The following WASHC2A variants were observed in gnomAD, a reference collection of about 807,000 sequenced individuals.
WASHC2A encodes the protein WASH complex subunit 2A.
In WASHC2A, 82 loss-of-function variants were observed where a neutral mutation model predicts 140.3. That is an observed-to-expected ratio of 0.58 (90% CI 0.49 to 0.70). WASHC2A has a LOEUF of 0.70. Ranked by LOEUF, WASHC2A falls within the 30% of genes least tolerant of loss-of-function variation. The pLI is 0.00. For synonymous variants in WASHC2A, 340 were observed against 560.8 expected (o/e 0.61, Z 5.56); for missense variants, 985 against 1,521.8 (o/e 0.65, Z 5.87).
At chr10:50,109,419 C>A (rs1391379266) in intron 19 of WASHC2A, among the ~76,000 whole-genome samples, 3 of 151,932 alleles carry the variant, frequency 2.0e-5, no homozygotes, top group Non-Finnish European at 4.4e-5. Flanking sequence ...TTAAAATATT[C>A]TTCTCTGGAG....
Position 50,069,514 on chromosome 10 carries a change from T to C in WASHC2A, c.127-33T>C, listed in dbSNP as rs372446468. On this transcript the variant is annotated intron_variant, in intron 2 of 30. Coordinates refer to ENST00000282633, the MANE Select transcript of WASHC2A (RefSeq NM_001005751.3). ...ACATGCAGAATAGTTACATGTAACA[T>C]TGATACTACTGTATGTTTATTTTTT... The C allele has an allele frequency of 3.3e-4, 530 of 1,599,368 alleles. 3 individuals are homozygous for C. In the Middle Eastern group the frequency reaches 5.5e-3, roughly 17 times the overall value.
chr10:50,074,696 C>G (rs1193962890), intron 3 of WASHC2A, among the ~76,000 whole-genome samples: 27 of 152,064 alleles, frequency 1.8e-4, no homozygotes, highest in African/African-American at 5.3e-4. Context: ...GGGCGGATCA[C>G]GAGGTCAGGA....
chr10:50,091,925 C>G (rs1490229464), intron 10 of WASHC2A, among the ~76,000 whole-genome samples: 1 of 152,162 alleles, frequency 6.6e-6, no homozygotes, highest in East Asian at 1.9e-4. Context: ...TCAACAAATA[C>G]AATCCTGTTA....
chr10:50,084,889 C>T (rs1384166933), intron 6 of WASHC2A, among the ~76,000 whole-genome samples: 60 of 144,582 alleles, frequency 4.1e-4, no homozygotes, highest in African/African-American at 1.5e-3. Flanking sequence ...GTGCCCACCA[C>T]CACACCTGGC....
intron 8 of WASHC2A, among the ~76,000 whole-genome samples, chr10:50,089,034 G>T (rs1589184196): frequency 1.4e-5 from 2 of 145,096 alleles, no homozygotes; most frequent in East Asian, 2.1e-4. Flanking sequence ...GCACGATATT[G>T]GTTCACTACA....
intron 8 of WASHC2A, among the ~76,000 whole-genome samples, chr10:50,089,826 G>A (rs1447162382): frequency 1.3e-5 from 2 of 152,022 alleles, no homozygotes; most frequent in Non-Finnish European, 2.9e-5. Flanking sequence ...GGTGGCTCAC[G>A]CCTGTAATCC....
intron 29 of WASHC2A, among the ~76,000 whole-genome samples, 172 bp downstream of exon 29, chr10:50,130,211 G>T (rs1843819918): frequency 1.3e-5 from 2 of 150,682 alleles, no homozygotes; most frequent in Non-Finnish European, 3.0e-5. Flanking sequence ...TTCAGAAGTG[G>T]TTTTTTGTTT....
chr10:50,082,167 G>A (rs1838958591), intron 5 of WASHC2A, among the ~76,000 whole-genome samples: 1 of 151,130 alleles, frequency 6.6e-6, no homozygotes, highest in South Asian at 2.1e-4. Context: ...CCCTTGCAGA[G>A]AAAGTTGTGG....
intron 3 of WASHC2A, among the ~76,000 whole-genome samples, chr10:50,073,386 T>C (rs1395093785): frequency 2.0e-5 from 3 of 152,100 alleles, no homozygotes; most frequent in Non-Finnish European, 4.4e-5. Flanking sequence ...AGCAGTAGGA[T>C]ATACATAACT....
At chr10:50,068,263 G>C (rs1554874942) in intron 2 of WASHC2A, 36 bp downstream of exon 2, 2 of 1,532,698 alleles carry the variant, frequency 1.3e-6, no homozygotes, top group Admixed American at 2.0e-5. Flanking sequence ...AGAGCGGCAG[G>C]GGTGACGCTT....
intron 4 of WASHC2A, among the ~76,000 whole-genome samples, chr10:50,080,241 A>C (rs1326266588): frequency 1.3e-5 from 2 of 152,170 alleles, no homozygotes; most frequent in Admixed American, 6.5e-5. Context: ...CCGGAGATGA[A>C]AATGACCCCC....
intron 11 of WASHC2A, among the ~76,000 whole-genome samples, chr10:50,092,780 A>G (rs1179236055): frequency 6.6e-6 from 1 of 152,162 alleles, no homozygotes; most frequent in South Asian, 2.1e-4. Context: ...TTGTCTTCCT[A>G]GAATTCTTAG....
intron 20 of WASHC2A, among the ~76,000 whole-genome samples, chr10:50,113,392 A>T (rs1842440663): frequency 6.6e-6 from 1 of 151,636 alleles, no homozygotes; most frequent in African/African-American, 2.4e-5. Flanking sequence ...AGTAAATACA[A>T]GGTGAATTTT....
chr10:50,090,530 A>ATG (rs1839828111), intron 8 of WASHC2A, among the ~76,000 whole-genome samples: 1 of 136,318 alleles, frequency 7.3e-6, no homozygotes, highest in Admixed American at 7.9e-5. Flanking sequence ...ATATATATAT[A>ATG]TTTATATTTA....
Position 50,084,117 on chromosome 10 carries a change from C to T in WASHC2A, c.574C>T (p.Leu192=). 1 of 1,611,742 alleles carries T rather than the reference C, an allele frequency of 6.2e-7. No homozygotes were observed. The highest frequency in any genetic ancestry group is 2.2e-5 in the East Asian group (1 of 44,832). Residue 192 remains leucine, a synonymous_variant, in exon 6 of 31, where the codon CTG becomes TTG. Transcript: ENST00000282633. ...RPLPYLIGSK[L]FMEQEDVGLG... is the part of the protein sequence containing the mutation. ...TTTACCATATCTCATTGGGTCAAAG[C>T]TGTTCATGGAACAAGAAGATGTAGG...
chr10:50,132,338 T>C (rs1255270959), intron 30 of WASHC2A, among the ~76,000 whole-genome samples: 1 of 152,266 alleles, frequency 6.6e-6, no homozygotes, highest in Non-Finnish European at 1.5e-5. Flanking sequence ...ACTAAAAGAA[T>C]GCAGTGACGG....
In WASHC2A at chr10:50,112,039, C is replaced by A. The variant is rs1187402804; in HGVS notation, c.2039+1769C>A. 770 of 985,256 alleles carry A rather than the reference C, an allele frequency of 7.8e-4. 9 individuals are homozygous for A. The African/African-American group carries it at 0.013, about 16-fold the overall frequency. The allele number at this position is 985,256 out of a possible 1,614,324, so 61.0% of individuals were successfully genotyped here. A position where few individuals can be genotyped will look rare whatever the true frequency, so the allele number is the denominator to read the frequency against. On this transcript the variant is annotated intron_variant, in intron 20 of 30. Coordinates refer to ENST00000282633, the MANE Select transcript of WASHC2A (RefSeq NM_001005751.3). ...AGAGACTCCATCTCAAAAAAAAAGG[C>A]CTTTCCTAACTTTAAACAGACGAGA...
chr10:50,127,164 C>T lies in WASHC2A; in HGVS notation c.2816C>T (p.Ser939Leu), dbSNP rs1459100776. 3.7e-6 allele frequency: 6 copies of T among 1,611,970 alleles called. No individual in the cohort carries two copies. The highest frequency in any genetic ancestry group is 1.3e-5 in the African/African-American group (1 of 74,866). ...ACTGGATGTAATTTTACACAGGACT[C>T]ATCAGGTCTCGCTCCATTTAAAACC... ...GIWKPETPQD[S>L]SGLAPFKTKE... The change falls in exon 27 of 31, where the codon TCA becomes TTA. Residue 939 changes from serine (S) to leucine (L), a missense_variant. Ser to Leu is a moderately radical substitution (Grantham distance 145). Transcript: ENST00000282633.
intron 22 of WASHC2A, among the ~76,000 whole-genome samples, 183 bp downstream of exon 22, chr10:50,118,241 C>T (rs1389078236): frequency 1.3e-5 from 1 of 76,446 alleles, no homozygotes; most frequent in African/African-American, 4.1e-5. Flanking sequence ...CCTTTCCTCC[C>T]GGCCCTTCTC....
Sources: gnomAD v4.1 joint callset for allele counts (sites outside exome capture counted in the v4.1 genomes callset) on GRCh38, gnomAD v4.1.1 for gene constraint, MANE v1.5 for transcripts, NCBI Gene and HGNC (gene_info 2026-07-23, HGNC 2026-07-21) for gene names.